Variants in ELAVL2 observed in about 807,000 individuals in gnomAD.
The protein encoded by ELAVL2 is ELAV like RNA binding protein 2.
In ELAVL2, 4 loss-of-function variants were observed where a neutral mutation model predicts 34.6. That is an observed-to-expected ratio of 0.12 (90% CI 0.06 to 0.26). ELAVL2 has a LOEUF of 0.26. Among genes scored for constraint, ELAVL2 ranks in the 10% least tolerant of loss-of-function variants. The probability of loss-of-function intolerance (pLI) is 1.00; values close to 1 mark genes in which losing one functional copy is unlikely to be tolerated. For missense variants in ELAVL2, 432 were observed against 442.8 expected, an observed-to-expected ratio of 0.98 and a Z score of 0.22; for synonymous variants, 193 against 154.8, an observed-to-expected ratio of 1.25 and a Z score of -1.83.
At chr9:23,797,811 C>G (rs1237105019) in intron 1 of ELAVL2, among the ~76,000 whole-genome samples, 1 of 152,126 alleles carries the variant, frequency 6.6e-6, no homozygotes, top group Non-Finnish European at 1.5e-5. Context: ...GCCTGTAATC[C>G]GAGCTACTCG....
At chr9:23,755,972 T>C (rs2053458181) in intron 2 of ELAVL2, among the ~76,000 whole-genome samples, 1 of 152,140 alleles carries the variant, frequency 6.6e-6, no homozygotes, top group Admixed American at 6.6e-5. Context: ...CAGCTTTGTG[T>C]TCACTGTGAT....
chr9:23,815,790 C>T (rs1471680429), intron 1 of ELAVL2, among the ~76,000 whole-genome samples: 1 of 149,338 alleles, frequency 6.7e-6, no homozygotes, highest in East Asian at 2.0e-4. Flanking sequence ...ACAAAACCTA[C>T]TGAGACAACT....
chr9:23,841,049 G>A, the ELAVL2 span, among the ~76,000 whole-genome samples: 1 of 152,106 alleles, frequency 6.6e-6, no homozygotes. Context: ...CAGAAATCAG[G>A]ACTCTCCTTA....
intron 2 of ELAVL2, among the ~76,000 whole-genome samples, chr9:23,745,982 C>T (rs1025987129): frequency 2.0e-5 from 3 of 151,992 alleles, no homozygotes; most frequent in African/African-American, 7.2e-5. Flanking sequence ...CAAAGTAGTG[C>T]CCAAGAAACA....
upstream of ELAVL2, among the ~76,000 whole-genome samples, chr9:23,826,996 G>A (rs1260391121): frequency 6.6e-6 from 1 of 152,122 alleles, no homozygotes; most frequent in Non-Finnish European, 1.5e-5. Context: ...AAAGCTGCAC[G>A]GTTTGAATTG....
chr9:23,763,880 G>A (rs2055619004), intron 1 of ELAVL2, among the ~76,000 whole-genome samples: 2 of 152,140 alleles, frequency 1.3e-5, no homozygotes, highest in Non-Finnish European at 2.9e-5. Flanking sequence ...TCTACAAGCT[G>A]CAAGCTGTTT....
chr9:23,806,386 A>G (rs1453901752), intron 1 of ELAVL2, among the ~76,000 whole-genome samples: 1 of 152,174 alleles, frequency 6.6e-6, no homozygotes, highest in Non-Finnish European at 1.5e-5. Flanking sequence ...CTGTAATCCC[A>G]GCACTTTGGA....
At chr9:23,711,479 C>G (rs2040939258) in intron 3 of ELAVL2, among the ~76,000 whole-genome samples, 1 of 152,130 alleles carries the variant, frequency 6.6e-6, no homozygotes, top group African/African-American at 2.4e-5. Context: ...CACTGGCTAC[C>G]TCTTCCATAC....
At chr9:23,706,217 A>G (rs2039282577) in intron 3 of ELAVL2, among the ~76,000 whole-genome samples, 1 of 152,154 alleles carries the variant, frequency 6.6e-6, no homozygotes, top group African/African-American at 2.4e-5. Context: ...ACCAAATCCC[A>G]CAAGGACGAA....
chr9:23,810,753 T>C (rs554014098), intron 1 of ELAVL2, among the ~76,000 whole-genome samples: 3 of 152,256 alleles, frequency 2.0e-5, no homozygotes, highest in East Asian at 1.9e-4. Flanking sequence ...TGAGCTTCAT[T>C]TTCCTCACCT....
chr9:23,698,563 A>G (rs2036070372), intron 5 of ELAVL2, among the ~76,000 whole-genome samples: 1 of 152,226 alleles, frequency 6.6e-6, no homozygotes. Flanking sequence ...GAACATAAAA[A>G]TACAGTGAGA....
intron 3 of ELAVL2, among the ~76,000 whole-genome samples, chr9:23,720,483 A>T (rs1234184258): frequency 1.3e-5 from 2 of 152,186 alleles, no homozygotes; most frequent in Non-Finnish European, 2.9e-5. Context: ...CCCATTTTAA[A>T]TGGATAGGCC....
chr9:23,782,563 C>T (rs887449893), intron 1 of ELAVL2, among the ~76,000 whole-genome samples: 89 of 152,204 alleles, frequency 5.8e-4, no homozygotes, highest in African/African-American at 1.9e-3. Flanking sequence ...CAGAGCAAGA[C>T]TGTCTCCAAA....
chr9:23,811,796 C>G (rs139679883), intron 1 of ELAVL2, among the ~76,000 whole-genome samples: 1 of 152,252 alleles, frequency 6.6e-6, no homozygotes, highest in East Asian at 1.9e-4. Flanking sequence ...TTGTCTCTCT[C>G]TAGCCACACC....
At chr9:23,762,311 T>C (rs1199125217) in intron 1 of ELAVL2, 62 bp from the exon 2 acceptor site, 8 of 1,560,438 alleles carry the variant, frequency 5.1e-6, no homozygotes, top group African/African-American at 2.7e-5. Context: ...AGAGACTCCA[T>C]CCAAGAATTT....
chr9:23,753,425 T>TA (rs146021662), intron 2 of ELAVL2, among the ~76,000 whole-genome samples: 3,730 of 149,014 alleles, frequency 0.025, 116 homozygotes, highest in African/African-American at 0.072. Flanking sequence ...TAAACAAAGT[T>TA]AAAAAAAAAA....
At chr9:23,802,832 CCTTA>C (rs1476780419) in intron 1 of ELAVL2, among the ~76,000 whole-genome samples, 1 of 152,020 alleles carries the variant, frequency 6.6e-6, no homozygotes, top group Non-Finnish European at 1.5e-5. Flanking sequence ...ACTATGCCAG[CCTTA>C]CTTTTTAAAA....
chr9:23,806,308 C>G (rs2062214015), intron 1 of ELAVL2, among the ~76,000 whole-genome samples: 1 of 152,002 alleles, frequency 6.6e-6, no homozygotes, highest in South Asian at 2.1e-4. Flanking sequence ...TAATTTTAAT[C>G]TTCATTTTAA....
At chr9:23,787,990 A>G (rs79182244) in intron 1 of ELAVL2, among the ~76,000 whole-genome samples, 3,581 of 152,272 alleles carry the variant, frequency 0.024, 219 homozygotes, top group Admixed American at 0.13. Context: ...GCTTTAGTCC[A>G]AGCAGTGATT....
Sources: allele counts gnomAD v4.1 joint callset (sites outside exome capture counted in the v4.1 genomes callset), GRCh38; gene constraint gnomAD v4.1.1; transcripts MANE v1.5; gene names NCBI Gene and HGNC (gene_info 2026-07-23, HGNC 2026-07-21).